SCHIP1: variants seen among roughly 807,000 people sequenced by gnomAD.
The protein encoded by SCHIP1 is schwannomin interacting protein 1.
In SCHIP1, 8 loss-of-function variants were observed where a neutral mutation model predicts 29.7. The ratio of observed to expected loss-of-function variants is 0.27; its 90% CI spans 0.16 to 0.49. The LOEUF (loss-of-function observed/expected upper bound fraction) is 0.49. Ranked by LOEUF, SCHIP1 falls within the 20% of genes least tolerant of loss-of-function variation. SCHIP1 has a pLI of 0.99. For synonymous variants in SCHIP1, 76 were observed against 94.9 expected (o/e 0.80, Z 1.16); for missense variants, 193 against 294.6 (o/e 0.66, Z 2.52).
the SCHIP1 span, among the ~76,000 whole-genome samples, chr3:159,366,020 T>C: frequency 0.011 from 1,652 of 152,202 alleles, 37 homozygotes; most frequent in Non-Finnish European, 0.012. Context: ...TTGTTGTTTA[T>C]AAAGGAGAGA....
At position 159,873,002 on chromosome 3, in the gene SCHIP1, T is replaced by A. The variant is rs1394318324; in HGVS notation, c.149+6721T>A. ...ATGTACCAGAGCACATAATAGTATT[T>A]GAAAAACCATTAGGTAACTTACAGA... On this transcript the variant is annotated intron_variant, in intron 2 of 6. Transcript: ENST00000445224. Among the ~76,000 whole-genome samples the A allele has an allele frequency of 2.0e-5, 3 of 152,196 alleles. No homozygotes were observed. The East Asian group carries it at 5.8e-4, about 29-fold the overall frequency.
the SCHIP1 span, among the ~76,000 whole-genome samples, chr3:159,670,437 C>A: frequency 2.5e-3 from 377 of 152,272 alleles, 2 homozygotes; most frequent in Middle Eastern, 0.01. Flanking sequence ...CAGAAAAATT[C>A]TCTGAACTGA....
At chr3:159,580,467 G>T in the SCHIP1 span, among the ~76,000 whole-genome samples, 1 of 152,188 alleles carries the variant, frequency 6.6e-6, no homozygotes, top group African/African-American at 2.4e-5. Flanking sequence ...CATGATCAAG[G>T]CAGACGGAGA....
At chr3:159,379,066 T>C in the SCHIP1 span, among the ~76,000 whole-genome samples, 1 of 152,198 alleles carries the variant, frequency 6.6e-6, no homozygotes, top group Non-Finnish European at 1.5e-5. Context: ...TGTTTGTCTC[T>C]GATAGCAGGG....
At chr3:159,783,976 G>A in the SCHIP1 span, among the ~76,000 whole-genome samples, 2 of 152,170 alleles carry the variant, frequency 1.3e-5, no homozygotes, top group African/African-American at 4.8e-5. Flanking sequence ...ACTCCACCCC[G>A]GGGCTTCTTT....
At chr3:159,546,458 G>C in the SCHIP1 span, among the ~76,000 whole-genome samples, 1 of 152,054 alleles carries the variant, frequency 6.6e-6, no homozygotes, top group Non-Finnish European at 1.5e-5. Flanking sequence ...GAACATGCAG[G>C]TGTATGGCAC....
At chr3:159,644,741 C>A in the SCHIP1 span, among the ~76,000 whole-genome samples, 1 of 152,082 alleles carries the variant, frequency 6.6e-6, no homozygotes, top group African/African-American at 2.4e-5. Flanking sequence ...CAAGATTATC[C>A]ATTTTCCTTA....
chr3:159,746,216 G>A, the SCHIP1 span, among the ~76,000 whole-genome samples: 2 of 152,174 alleles, frequency 1.3e-5, no homozygotes, highest in African/African-American at 4.8e-5. Context: ...TACAGAAGGG[G>A]AATTCCTCCA....
the SCHIP1 span, among the ~76,000 whole-genome samples, chr3:159,661,790 G>A: frequency 1.3e-5 from 2 of 152,052 alleles, no homozygotes; most frequent in African/African-American, 2.4e-5. Flanking sequence ...AGGAGGCTGG[G>A]GAAAATTAAT....
the SCHIP1 span, among the ~76,000 whole-genome samples, chr3:159,526,343 AT>A: frequency 5.0e-4 from 76 of 151,592 alleles, no homozygotes; most frequent in Non-Finnish European, 9.3e-4. Context: ...TAATTTTTTT[AT>A]TTTTTGTAGA....
the SCHIP1 span, among the ~76,000 whole-genome samples, chr3:159,429,650 G>A: frequency 6.6e-6 from 1 of 152,060 alleles, no homozygotes; most frequent in Non-Finnish European, 1.5e-5. Context: ...CCACCATGAA[G>A]CAGGTGGCAT....
At chr3:159,810,489 G>A in the SCHIP1 span, among the ~76,000 whole-genome samples, 1 of 151,976 alleles carries the variant, frequency 6.6e-6, no homozygotes, top group Non-Finnish European at 1.5e-5. Context: ...CCTACTACCA[G>A]GCCAAGGCAA....
the SCHIP1 span, among the ~76,000 whole-genome samples, chr3:159,288,056 T>A: frequency 6.6e-6 from 1 of 152,136 alleles, no homozygotes; most frequent in South Asian, 2.1e-4. Flanking sequence ...AGGTGGCATA[T>A]GGTGTCCGAT....
the SCHIP1 span, among the ~76,000 whole-genome samples, chr3:159,631,377 G>C: frequency 5.3e-5 from 8 of 152,174 alleles, no homozygotes; most frequent in Non-Finnish European, 1.0e-4. Context: ...AACTCTAACA[G>C]ACACTTGAAG....
chr3:159,881,252 A>G (rs1428712900), intron 2 of SCHIP1, among the ~76,000 whole-genome samples: 1 of 152,226 alleles, frequency 6.6e-6, no homozygotes, highest in Non-Finnish European at 1.5e-5. Context: ...CACTTTTGAA[A>G]TTCTCATGAA....
chr3:159,309,448 C>T, the SCHIP1 span, among the ~76,000 whole-genome samples: 5,577 of 152,156 alleles, frequency 0.037, 373 homozygotes, highest in African/African-American at 0.13. Flanking sequence ...GAGAATCTGC[C>T]ACCGTTCACT....
At chr3:159,736,927 G>A in the SCHIP1 span, among the ~76,000 whole-genome samples, 1 of 152,024 alleles carries the variant, frequency 6.6e-6, no homozygotes, top group African/African-American at 2.4e-5. Flanking sequence ...GTAGAGACGG[G>A]GTTTCACCAT....
chr3:159,487,390 C>G, the SCHIP1 span, among the ~76,000 whole-genome samples: 3 of 151,994 alleles, frequency 2.0e-5, no homozygotes, highest in African/African-American at 7.3e-5. Context: ...AGGAGACAAA[C>G]TTTTTGGATG....
the SCHIP1 span, among the ~76,000 whole-genome samples, chr3:159,354,496 G>C: frequency 2.0e-5 from 3 of 152,146 alleles, no homozygotes; most frequent in Admixed American, 6.6e-5. Flanking sequence ...TTTTGGGAAA[G>C]AAGAAAGCTT....
Sources: gnomAD v4.1 joint callset for allele counts (sites outside exome capture counted in the v4.1 genomes callset) on GRCh38, gnomAD v4.1.1 for gene constraint, MANE v1.5 for transcripts, NCBI Gene and HGNC (gene_info 2026-07-23, HGNC 2026-07-21) for gene names.